The following DAB1 variants were observed in gnomAD, a reference collection of about 807,000 sequenced individuals.
DAB1 encodes disabled homolog 1.
A neutral mutation model predicts 64.6 loss-of-function variants in DAB1; 15 were observed. The ratio of observed to expected loss-of-function variants is 0.23; its 90% CI spans 0.16 to 0.36. The LOEUF (loss-of-function observed/expected upper bound fraction) is 0.36. Ranked by LOEUF, DAB1 falls within the 10% of genes least tolerant of loss-of-function variation. The probability of loss-of-function intolerance (pLI) is 1.00; values close to 1 mark genes in which losing one functional copy is unlikely to be tolerated. For missense variants in DAB1, 596 were observed against 706.7 expected, an observed-to-expected ratio of 0.84 and a Z score of 1.78; for synonymous variants, 235 against 251.9, an observed-to-expected ratio of 0.93 and a Z score of 0.64.
At chr1:57,441,288 T>TTC in intron 7 of DAB1, among the ~76,000 whole-genome samples, 1 of 27,348 alleles carries the variant, frequency 3.7e-5, no homozygotes, top group Non-Finnish European at 1.0e-4. Context: ...CTTTCTTTCT[T>TTC]TCTTTCTTTC....
intron 3 of DAB1, among the ~76,000 whole-genome samples, chr1:58,427,293 C>G (rs890729165): frequency 6.6e-6 from 1 of 152,056 alleles, no homozygotes. Flanking sequence ...TTGGATAGAA[C>G]CTTAAGGCCC....
In DAB1 at chr1:57,113,119, G is replaced by A. The variant is rs77373053; in HGVS notation, c.306+23424C>T. Among the ~76,000 whole-genome samples, 223 of 152,308 alleles carry A rather than the reference G, an allele frequency of 1.5e-3. 1 individual carries two copies. The highest frequency in any genetic ancestry group is 2.4e-3 in the Non-Finnish European group (162 of 68,036). ...TTTAGAGCTGAGCCACAGGCTCTGAGAATGGCCTGTTTCATAACCCAGCTC... is the reference window on the plus strand; with the variant it reads ...TTTAGAGCTGAGCCACAGGCTCTGAAAATGGCCTGTTTCATAACCCAGCTC... On this transcript the variant is annotated intron_variant, in intron 4 of 14. Transcript: ENST00000371236.
chr1:57,146,115 C>T (rs1659104809), intron 2 of DAB1, among the ~76,000 whole-genome samples: 1 of 152,176 alleles, frequency 6.6e-6, no homozygotes, highest in Admixed American at 6.5e-5. Flanking sequence ...AGCATATCTA[C>T]ATGAAGTGAG....
rs529118814 is a variant in DAB1, at chr1:58,085,128, C to A, written n.387+65383G>T. Among the ~76,000 whole-genome samples, 9 of 152,248 alleles carry A rather than the reference C, an allele frequency of 5.9e-5. No individual in the cohort carries two copies. The East Asian group carries it at 1.4e-3, about 23-fold the overall frequency. On this transcript the variant is annotated intron_variant and non_coding_transcript_variant, in intron 5 of 20. Transcript: ENST00000485760. ...AATCCTTTTTTATAGGTGATGTTGG[C>A]TTGTGACATTGTCTCTTACTCAGGA...
intron 4 of DAB1, among the ~76,000 whole-genome samples, chr1:58,211,497 G>A (rs1393193862): frequency 6.6e-6 from 1 of 152,104 alleles, no homozygotes; most frequent in Admixed American, 6.6e-5. Flanking sequence ...ATGATTAGTT[G>A]ACAATTGCTA....
At chr1:58,308,431 A>G (rs989700024) in intron 4 of DAB1, among the ~76,000 whole-genome samples, 1 of 151,994 alleles carries the variant, frequency 6.6e-6, no homozygotes, top group Non-Finnish European at 1.5e-5. Context: ...CCCTGCCTCA[A>G]TGGATCAGAG....
intron 7 of DAB1, among the ~76,000 whole-genome samples, chr1:57,544,538 ACT>A (rs1644835784): frequency 6.6e-6 from 1 of 152,010 alleles, no homozygotes; most frequent in African/African-American, 2.4e-5. Flanking sequence ...TTCATCCCAC[ACT>A]CTGTTCCCAC....
chr1:58,037,363 G>C (rs1038633981), intron 5 of DAB1, among the ~76,000 whole-genome samples: 4 of 152,108 alleles, frequency 2.6e-5, no homozygotes, highest in Non-Finnish European at 5.9e-5. Flanking sequence ...TTACGGCAGG[G>C]GTCCCCAACC....
chr1:58,444,399 C>A (rs1645043713), intron 3 of DAB1, among the ~76,000 whole-genome samples: 1 of 152,210 alleles, frequency 6.6e-6, no homozygotes, highest in Non-Finnish European at 1.5e-5. Flanking sequence ...AGATGTTAAG[C>A]AACTTGCCTA....
chr1:57,410,199 CTTCTT>C (rs1014088047), intron 1 of DAB1, among the ~76,000 whole-genome samples: 7 of 152,186 alleles, frequency 4.6e-5, no homozygotes, highest in African/African-American at 1.7e-4. Context: ...GTAGAAAACT[CTTCTT>C]TTGTTTTCAT....
intron 7 of DAB1, among the ~76,000 whole-genome samples, chr1:57,526,624 T>C (rs865773700): frequency 1.3e-5 from 2 of 152,206 alleles, no homozygotes; most frequent in Non-Finnish European, 2.9e-5. Context: ...AAGTGATCCA[T>C]TTATTGATCA....
intron 5 of DAB1, among the ~76,000 whole-genome samples, chr1:57,979,672 C>A (rs1231365769): frequency 6.6e-6 from 1 of 152,236 alleles, no homozygotes; most frequent in Admixed American, 6.5e-5. Flanking sequence ...GATTTGGTGT[C>A]TGGCTTTGAA....
intron 7 of DAB1, among the ~76,000 whole-genome samples, chr1:57,070,215 G>GAC (rs144255829): frequency 1.3e-5 from 2 of 152,120 alleles, no homozygotes; most frequent in East Asian, 1.9e-4. Flanking sequence ...ATACATATGT[G>GAC]ACACACACAC....
rs376268941 is a variant in DAB1, at chr1:58,054,288, C to T, written n.387+96223G>A. 2.4e-3 allele frequency among the ~76,000 whole-genome samples: 372 copies of T among 152,342 alleles called. 12 individuals are homozygous for T. The South Asian group carries it at 0.073, about 30-fold the overall frequency. On this transcript the variant is annotated intron_variant and non_coding_transcript_variant, in intron 5 of 20. Transcript: ENST00000485760. ...CCTATATCTACAATTTTAAAATTCT[C>T]ATGGCTTAAAGACTACCAGTGCAAA...
intron 1 of DAB1, among the ~76,000 whole-genome samples, chr1:57,377,065 T>C (rs949212172): frequency 7.2e-5 from 11 of 152,028 alleles, no homozygotes; most frequent in Non-Finnish European, 1.3e-4. Context: ...AGTTCAGGAA[T>C]TTGAGACCAG....
chr1:57,517,743 A>G (rs1644479181), intron 7 of DAB1, among the ~76,000 whole-genome samples: 1 of 152,256 alleles, frequency 6.6e-6, no homozygotes, highest in South Asian at 2.1e-4. Flanking sequence ...AAACCTGTGC[A>G]TAAAAGGAAG....
At chr1:57,456,698 A>G (rs1686606080) in intron 7 of DAB1, among the ~76,000 whole-genome samples, 1 of 152,142 alleles carries the variant, frequency 6.6e-6, no homozygotes, top group Non-Finnish European at 1.5e-5. Context: ...CACATTAACT[A>G]TAACCATTGA....
chr1:58,509,667 TAAAG>T (rs978699925), intron 2 of DAB1, among the ~76,000 whole-genome samples: 112 of 133,004 alleles, frequency 8.4e-4, no homozygotes, highest in African/African-American at 2.8e-3. Context: ...AGAGCATAAA[TAAAG>T]AAAACAGAGA....
Position 58,473,404 on chromosome 1 carries a change from C to T in DAB1, n.257+32656G>A, listed in dbSNP as rs1048480297. ...AAAAATACAAAAAATTAGCCGGGCGCGGTGGCGGGCGCCTGTAGTCCCAGC... is the reference window on the plus strand; with the variant it reads ...AAAAATACAAAAAATTAGCCGGGCGTGGTGGCGGGCGCCTGTAGTCCCAGC... On this transcript the variant is annotated intron_variant and non_coding_transcript_variant, in intron 3 of 20. Transcript: ENST00000485760. 2.0e-4 allele frequency among the ~76,000 whole-genome samples: 31 copies of T among 151,718 alleles called. No individual in the cohort carries two copies. The South Asian group carries it at 3.3e-3, about 16-fold the overall frequency.
Sources: gnomAD v4.1 joint callset for allele counts (sites outside exome capture counted in the v4.1 genomes callset) on GRCh38, gnomAD v4.1.1 for gene constraint, MANE v1.5 for transcripts, NCBI Gene and HGNC (gene_info 2026-07-23, HGNC 2026-07-21) for gene names.